SUGCT: variants seen among roughly 807,000 people sequenced by gnomAD.
The protein encoded by SUGCT is succinyl-CoA:glutarate CoA-transferase.
SUGCT carries 41 observed loss-of-function variants against 55.0 expected under a neutral mutation model. The observed-to-expected ratio is 0.74, with a 90% CI of 0.58 to 0.97. The LOEUF (loss-of-function observed/expected upper bound fraction) is 0.97. Ranked by LOEUF, SUGCT falls within the 50% of genes least tolerant of loss-of-function variation. SUGCT has a pLI of 0.00. For missense variants in SUGCT, 568 were observed against 547.8 expected, an observed-to-expected ratio of 1.04 and a Z score of -0.37; for synonymous variants, 187 against 200.4, an observed-to-expected ratio of 0.93 and a Z score of 0.56.
intron 12 of SUGCT, among the ~76,000 whole-genome samples, chr7:40,539,908 G>A (rs1794581417): frequency 6.6e-6 from 1 of 152,162 alleles, no homozygotes; most frequent in Non-Finnish European, 1.5e-5. Flanking sequence ...AGGTCTTGAA[G>A]TGCATTCACA....
chr7:40,171,148 G>A (rs1186029232), intron 1 of SUGCT, among the ~76,000 whole-genome samples: 7 of 152,116 alleles, frequency 4.6e-5, no homozygotes, highest in Non-Finnish European at 1.0e-4. Flanking sequence ...CCTAATTATC[G>A]ACCTTAAACT....
chr7:40,623,285 A>G (rs1329983327), intron 12 of SUGCT, among the ~76,000 whole-genome samples: 1 of 152,138 alleles, frequency 6.6e-6, no homozygotes, highest in African/African-American at 2.4e-5. Context: ...TACATCAGCA[A>G]TGCTACTCTA....
At chr7:40,168,742 CGGCTAGCCATCCTGA>C (rs1784536364) in intron 1 of SUGCT, among the ~76,000 whole-genome samples, 1 of 152,168 alleles carries the variant, frequency 6.6e-6, no homozygotes, top group Admixed American at 6.5e-5. Context: ...CCTTCTTCGG[CGGCTAGCCATCCTGA>C]GGGGAGGAAA....
chr7:41,032,276 C>G, the SUGCT span, among the ~76,000 whole-genome samples: 1 of 152,040 alleles, frequency 6.6e-6, no homozygotes, highest in African/African-American at 2.4e-5. Context: ...TAATAGAATC[C>G]CAGTTTTGTT....
At chr7:41,009,688 C>T in the SUGCT span, among the ~76,000 whole-genome samples, 1 of 152,138 alleles carries the variant, frequency 6.6e-6, no homozygotes, top group Non-Finnish European at 1.5e-5. Flanking sequence ...GTCCTTCCAT[C>T]CACTATCCAT....
the SUGCT span, among the ~76,000 whole-genome samples, chr7:40,920,809 A>C: frequency 6.6e-6 from 1 of 152,232 alleles, no homozygotes; most frequent in Non-Finnish European, 1.5e-5. Context: ...CCAAGAGATA[A>C]ATAAAAATAA....
At chr7:40,291,223 C>T (rs1382663009) in intron 8 of SUGCT, among the ~76,000 whole-genome samples, 1 of 152,004 alleles carries the variant, frequency 6.6e-6, no homozygotes, top group African/African-American at 2.4e-5. Flanking sequence ...TATTGCGGCA[C>T]TATTCACAAT....
chr7:40,242,933 ATTTTTTTTTTTTTTTTTT>A (rs70996894), intron 7 of SUGCT, among the ~76,000 whole-genome samples: 1 of 17,204 alleles, frequency 5.8e-5, no homozygotes, highest in East Asian at 3.8e-3. Flanking sequence ...ATATATATAT[ATTTTTTTTTTTTTTTTTT>A]TTTTTTTTTT....
chr7:40,389,346 G>A (rs1005698370), intron 9 of SUGCT, among the ~76,000 whole-genome samples: 4 of 152,062 alleles, frequency 2.6e-5, no homozygotes, highest in Admixed American at 1.3e-4. Context: ...CAGCTACTTG[G>A]GAGGCTGAGG....
chr7:41,002,278 C>T, the SUGCT span, among the ~76,000 whole-genome samples: 1 of 152,154 alleles, frequency 6.6e-6, no homozygotes, highest in East Asian at 1.9e-4. Flanking sequence ...GCCTTGGCCT[C>T]CCAAAGTGCT....
chr7:40,907,095 TAGTG>T, the SUGCT span, among the ~76,000 whole-genome samples: 4 of 52,204 alleles, frequency 7.7e-5, no homozygotes, highest in South Asian at 3.3e-3. Context: ...TTTGTTCTGA[TAGTG>T]TGTGTGTGTG....
At position 40,213,945 on chromosome 7, in the gene SUGCT, A is replaced by G. The variant is rs568335721; in HGVS notation, c.484+18885A>G. Reference sequence around the variant, plus strand: ...CCTCCTTGCATCAGCCCTACAACTCAGTGCTTGTTTTGATAAATTATCTCA... The same window carrying G: ...CCTCCTTGCATCAGCCCTACAACTCGGTGCTTGTTTTGATAAATTATCTCA... On this transcript the variant is annotated intron_variant, in intron 6 of 13. Coordinates refer to ENST00000335693, the MANE Select transcript of SUGCT (RefSeq NM_001193313.2). 3.9e-5 allele frequency among the ~76,000 whole-genome samples: 6 copies of G among 152,094 alleles called. No homozygotes were observed. The East Asian group carries it at 1.2e-3, about 29-fold the overall frequency.
chr7:40,263,490 G>A (rs964692765), intron 7 of SUGCT, among the ~76,000 whole-genome samples: 2 of 152,048 alleles, frequency 1.3e-5, no homozygotes, highest in South Asian at 4.2e-4. Context: ...AAATTGATTT[G>A]GGGTCTCATC....
intron 12 of SUGCT, among the ~76,000 whole-genome samples, chr7:40,679,959 T>C (rs997246071): frequency 6.6e-6 from 1 of 152,212 alleles, no homozygotes; most frequent in African/African-American, 2.4e-5. Flanking sequence ...TGTTTGATTT[T>C]TTTAAGGCAT....
At chr7:40,154,670 G>A (rs908850391) in intron 1 of SUGCT, among the ~76,000 whole-genome samples, 11 of 151,944 alleles carry the variant, frequency 7.2e-5, no homozygotes, top group Admixed American at 2.0e-4. Context: ...TTTGCCAAGC[G>A]GAAAGCTACT....
chr7:40,942,881 C>A, the SUGCT span, among the ~76,000 whole-genome samples: 4 of 152,072 alleles, frequency 2.6e-5, no homozygotes, highest in Admixed American at 2.6e-4. Context: ...CTGTAATTCC[C>A]TAAATGTGTC....
intron 12 of SUGCT, among the ~76,000 whole-genome samples, chr7:40,621,598 T>C (rs1799268259): frequency 6.6e-6 from 1 of 152,154 alleles, no homozygotes; most frequent in Non-Finnish European, 1.5e-5. Context: ...TGAGGTTTTC[T>C]GACATATGGA....
the SUGCT span, among the ~76,000 whole-genome samples, chr7:40,930,361 T>C: frequency 6.6e-6 from 1 of 152,226 alleles, no homozygotes; most frequent in Non-Finnish European, 1.5e-5. Context: ...GCGTGATGCC[T>C]CCAGCTTTGT....
At chr7:40,592,713 G>A (rs1797795717) in intron 12 of SUGCT, among the ~76,000 whole-genome samples, 1 of 152,050 alleles carries the variant, frequency 6.6e-6, no homozygotes, top group Non-Finnish European at 1.5e-5. Context: ...TTTGAATATG[G>A]TTTTGACTGA....
Sources: allele counts gnomAD v4.1 joint callset (sites outside exome capture counted in the v4.1 genomes callset), GRCh38; gene constraint gnomAD v4.1.1; transcripts MANE v1.5; gene names NCBI Gene and HGNC (gene_info 2026-07-23, HGNC 2026-07-21).